The following VIT variants were observed in gnomAD, a reference collection of about 807,000 sequenced individuals.
VIT encodes the protein vitrin.
A neutral mutation model predicts 78.0 loss-of-function variants in VIT; 99 were observed. The observed-to-expected ratio is 1.27, with a 90% CI of 1.08 to 1.50. VIT has a LOEUF of 1.50. Ranked by LOEUF, VIT falls within the 40% of genes most tolerant of loss-of-function variation. VIT has a pLI of 0.00. For missense variants in VIT, 1,126 were observed against 875.3 expected, an observed-to-expected ratio of 1.29 and a Z score of -3.61; for synonymous variants, 374 against 334.3, an observed-to-expected ratio of 1.12 and a Z score of -1.29.
intron 15 of VIT, among the ~76,000 whole-genome samples, chr2:36,811,364 T>G (rs955539458): frequency 2.6e-5 from 4 of 152,222 alleles, no homozygotes; most frequent in Non-Finnish European, 4.4e-5. Flanking sequence ...GTACGTCTTT[T>G]GGGCCTCAAT....
At chr2:36,698,763 G>A (rs935091466) in intron 1 of VIT, among the ~76,000 whole-genome samples, 15 of 152,166 alleles carry the variant, frequency 9.9e-5, no homozygotes, top group African/African-American at 3.6e-4. Flanking sequence ...GGCCAACATG[G>A]TGAAACCCCA....
At chr2:36,728,417 A>G (rs1012017802) in intron 2 of VIT, among the ~76,000 whole-genome samples, 5 of 152,214 alleles carry the variant, frequency 3.3e-5, no homozygotes, top group African/African-American at 1.2e-4. Flanking sequence ...TAAAATGTGT[A>G]TGTTTTAAGC....
intron 15 of VIT, among the ~76,000 whole-genome samples, chr2:36,812,314 G>A (rs971794446): frequency 2.0e-5 from 3 of 152,238 alleles, no homozygotes; most frequent in South Asian, 2.1e-4. Context: ...TGGGGGACTC[G>A]GGGGGAGGTG....
chr2:36,745,501 A>G (rs959411456), intron 4 of VIT, among the ~76,000 whole-genome samples: 1 of 152,074 alleles, frequency 6.6e-6, no homozygotes, highest in Admixed American at 6.6e-5. Flanking sequence ...GGAGTGTTTT[A>G]CAATTCTCCT....
chr2:36,745,596 G>C (rs917827732), intron 4 of VIT, among the ~76,000 whole-genome samples: 1 of 152,018 alleles, frequency 6.6e-6, no homozygotes, highest in Non-Finnish European at 1.5e-5. Flanking sequence ...ATTGTGTTCT[G>C]ATTTGGCTCT....
intron 7 of VIT, 50 bp from the exon 8 acceptor site, chr2:36,773,741 T>C: frequency 7.1e-7 from 1 of 1,401,438 alleles, no homozygotes; most frequent in Non-Finnish European, 9.4e-7. Context: ...AATAAATTAA[T>C]TAATTAATTA....
At chr2:36,753,141 G>T (rs556757261) in intron 4 of VIT, among the ~76,000 whole-genome samples, 4 of 151,864 alleles carry the variant, frequency 2.6e-5, no homozygotes, top group African/African-American at 9.7e-5. Context: ...TCACTTATAC[G>T]TGGGAGCTGC....
At chr2:36,774,494 CCT>C in intron 8 of VIT, 1 of 985,378 alleles carries the variant, frequency 1.0e-6, no homozygotes. Context: ...TATACCATTC[CCT>C]CTGAAGCCAC....
At chr2:36,767,051 C>T in intron 6 of VIT, 43 bp from the exon 7 acceptor site, 6 of 1,515,840 alleles carry the variant, frequency 4.0e-6, no homozygotes, top group Non-Finnish European at 5.3e-6. Context: ...TAAGAGTGTA[C>T]AGGTTATTTT....
At chr2:36,733,165 A>G (rs1226696079) in intron 3 of VIT, among the ~76,000 whole-genome samples, 1 of 152,128 alleles carries the variant, frequency 6.6e-6, no homozygotes, top group Admixed American at 6.5e-5. Flanking sequence ...CTGCTTAAGC[A>G]AAAAGGGGGA....
chr2:36,787,221 G>A lies in VIT; in HGVS notation c.1003G>A (p.Ala335Thr). ...CCAGAAGCAGCTCCTGGCTGATGTT[G>A]CCCAAGCTCTTGACATTGGCCCTGC... ...RIQKQLLADV[A>T]QALDIGPAGP... Residue 335 changes from alanine to threonine, a missense_variant, in exon 12 of 16, where the codon GCC becomes ACC. Physicochemically the swap from Ala to Thr is moderately conservative, Grantham distance 58 (BLOSUM62 0). Coordinates refer to ENST00000379242, the MANE Select transcript of VIT (RefSeq NM_053276.4). 6.2e-7 allele frequency: 1 copy of A among 1,614,134 alleles called. No individual in the cohort carries two copies. The highest frequency in any genetic ancestry group is 1.1e-5 in the South Asian group (1 of 91,078).
At chr2:36,699,834 A>C (rs10865114) in intron 1 of VIT, among the ~76,000 whole-genome samples, 125,206 of 152,018 alleles carry the variant, frequency 0.82, 52,498 homozygotes, top group Middle Eastern at 0.95. Flanking sequence ...GCAAAAATGG[A>C]CCTTCCTGTG....
rs112600633 is a variant in VIT, at chr2:36,743,176, A to T, written c.195A>T (p.Gly65=). The stretch of plus-strand genomic sequence containing the variant: ...AGTTCATTGTGAAATGTCCAGCAGG[A>T]TGCCAAGACCCCAAATACCATGTTT... ...DPEFIVKCPA[G]CQDPKYHVYG... Residue 65 remains glycine, a synonymous_variant, in exon 4 of 16, where the codon GGA becomes GGT. Transcript: ENST00000379242. 561 of 1,614,100 alleles carry T rather than the reference A, an allele frequency of 3.5e-4. 2 individuals are homozygous for T. The African/African-American group carries it at 6.7e-3, about 19-fold the overall frequency.
At chr2:36,803,778 T>C (rs1336551679) in intron 13 of VIT, among the ~76,000 whole-genome samples, 1 of 152,212 alleles carries the variant, frequency 6.6e-6, no homozygotes, top group Non-Finnish European at 1.5e-5. Flanking sequence ...ATACTACTAA[T>C]CCTAAAGTCT....
chr2:36,765,223 T>C (rs1480668722), intron 6 of VIT, among the ~76,000 whole-genome samples: 1 of 152,024 alleles, frequency 6.6e-6, no homozygotes, highest in Non-Finnish European at 1.5e-5. Flanking sequence ...CAGAGGGAGA[T>C]TATTTCACAT....
At chr2:36,764,352 G>A (rs1477961540) in intron 6 of VIT, among the ~76,000 whole-genome samples, 1 of 152,218 alleles carries the variant, frequency 6.6e-6, no homozygotes, top group African/African-American at 2.4e-5. Context: ...ACCCGGGCCT[G>A]CATCTCCGTA....
intron 13 of VIT, among the ~76,000 whole-genome samples, chr2:36,803,241 C>T (rs148415473): frequency 1.1e-3 from 173 of 152,326 alleles, no homozygotes; most frequent in African/African-American, 4.0e-3. Flanking sequence ...TATTTGTCAG[C>T]AGAAATATAA....
intron 7 of VIT, among the ~76,000 whole-genome samples, chr2:36,769,804 A>G (rs1365477456): frequency 6.6e-6 from 1 of 152,074 alleles, no homozygotes; most frequent in Admixed American, 6.6e-5. Context: ...TCATCCCCCA[A>G]AAGAAATCCC....
rs1664741026 is a variant in VIT, at chr2:36,781,387, C to T, written c.803-340C>T. ...CTGGAGGTATCAAGCACTAGCCAGCCACTCACAGGCCAGGGATGTTGCAAA... is the reference window on the plus strand; with the variant it reads ...CTGGAGGTATCAAGCACTAGCCAGCTACTCACAGGCCAGGGATGTTGCAAA... On this transcript the variant is annotated intron_variant, in intron 9 of 15. Transcript: ENST00000379242. Among the ~76,000 whole-genome samples the T allele has an allele frequency of 3.9e-5, 6 of 152,300 alleles. No homozygotes were observed. In the South Asian group the frequency reaches 1.0e-3, roughly 26 times the overall value.
Sources: allele counts gnomAD v4.1 joint callset (sites outside exome capture counted in the v4.1 genomes callset), GRCh38; gene constraint gnomAD v4.1.1; transcripts MANE v1.5; gene names NCBI Gene and HGNC (gene_info 2026-07-23, HGNC 2026-07-21).